DPP10: variants seen among roughly 807,000 people sequenced by gnomAD.
The protein encoded by DPP10 is inactive dipeptidyl peptidase 10.
In DPP10, 33 loss-of-function variants were observed where a neutral mutation model predicts 120.9. The observed-to-expected ratio is 0.27, with a 90% confidence interval of 0.21 to 0.37. DPP10 has a LOEUF of 0.37. DPP10 is among the 10% of genes least tolerant of loss of function. The pLI is 1.00. For missense variants in DPP10, 816 were observed against 942.8 expected, an observed-to-expected ratio of 0.87 and a Z score of 1.76; for synonymous variants, 337 against 326.1, an observed-to-expected ratio of 1.03 and a Z score of -0.36.
At chr2:115,138,628 T>C (rs891321646) in intron 1 of DPP10, among the ~76,000 whole-genome samples, 1 of 152,228 alleles carries the variant, frequency 6.6e-6, no homozygotes, top group Non-Finnish European at 1.5e-5. Context: ...ATGATTACTA[T>C]GTATTTCATT....
At chr2:115,112,607 C>T (rs1388626502) in intron 1 of DPP10, among the ~76,000 whole-genome samples, 1 of 152,052 alleles carries the variant, frequency 6.6e-6, no homozygotes, top group Non-Finnish European at 1.5e-5. Flanking sequence ...AAATATAATA[C>T]ATTGTTATTA....
intron 5 of DPP10, among the ~76,000 whole-genome samples, chr2:115,660,655 C>CTTTTTTTTTTTTTTTTTTTTTTTTTTTA: frequency 4.0e-5 from 1 of 25,312 alleles, no homozygotes; most frequent in African/African-American, 9.5e-5. Flanking sequence ...CTCTGTCTGG[C>CTTTTTTTTTTTTTTTTTTTTTTTTTTTA]TTTTTTTTTT....
chr2:115,282,117 T>C (rs1160424338), intron 1 of DPP10, among the ~76,000 whole-genome samples: 2 of 152,092 alleles, frequency 1.3e-5, no homozygotes, highest in Non-Finnish European at 2.9e-5. Flanking sequence ...AGCAATCAAC[T>C]GAATAACTTT....
chr2:115,459,866 G>C (rs1270221659), intron 3 of DPP10, among the ~76,000 whole-genome samples: 1 of 149,596 alleles, frequency 6.7e-6, no homozygotes, highest in Non-Finnish European at 1.5e-5. Flanking sequence ...GGACTACCAT[G>C]TTATTAGACC....
intron 5 of DPP10, among the ~76,000 whole-genome samples, chr2:115,554,448 A>T (rs1305944816): frequency 6.6e-6 from 1 of 152,040 alleles, no homozygotes; most frequent in East Asian, 1.9e-4. Context: ...CTTGGGCAAC[A>T]TCACTTTGAC....
intron 1 of DPP10, among the ~76,000 whole-genome samples, chr2:114,612,061 A>G (rs1036663852): frequency 2.0e-5 from 3 of 152,148 alleles, no homozygotes; most frequent in Admixed American, 6.6e-5. Flanking sequence ...TACTCACACA[A>G]TTCCTTTGTT....
At chr2:115,747,075 G>A (rs1402399566) in intron 10 of DPP10, among the ~76,000 whole-genome samples, 3 of 152,056 alleles carry the variant, frequency 2.0e-5, no homozygotes, top group African/African-American at 4.8e-5. Context: ...GAAATTTTAC[G>A]TACTTGAAAA....
intron 24 of DPP10, among the ~76,000 whole-genome samples, chr2:115,840,323 T>TTTG (rs1689988508): frequency 2.7e-5 from 3 of 112,918 alleles, no homozygotes; most frequent in Admixed American, 8.8e-5. Flanking sequence ...TTTTTGGTTT[T>TTTG]TTTTTTTTTT....
chr2:114,943,007 A>T (rs1697075202), intron 1 of DPP10, among the ~76,000 whole-genome samples: 1 of 152,038 alleles, frequency 6.6e-6, no homozygotes, highest in Admixed American at 6.6e-5. Flanking sequence ...CCATCAACCC[A>T]TCACCTACAT....
At chr2:115,200,297 A>G (rs941368026) in intron 1 of DPP10, among the ~76,000 whole-genome samples, 1 of 152,208 alleles carries the variant, frequency 6.6e-6, no homozygotes, top group Non-Finnish European at 1.5e-5. Context: ...AGAGTTTCAA[A>G]TAACCATTAC....
intron 7 of DPP10, among the ~76,000 whole-genome samples, chr2:115,715,339 CAAAAAAAAAAAAA>C (rs546857779): frequency 3.0e-5 from 2 of 67,664 alleles, no homozygotes; most frequent in African/African-American, 7.0e-5. Context: ...AACTCCGTCT[CAAAAAAAAAAAAA>C]AAAAAAAAAA....
At position 114,819,224 on chromosome 2, in the gene DPP10, C is replaced by A. The variant is rs1332774418; in HGVS notation, c.60+376386C>A. On this transcript the variant is annotated intron_variant, in intron 1 of 25. Transcript: ENST00000410059. ...AAGCTTTTTTTTTTTTTTAGATAGA[C>A]GTTTCAAGGAAAAAGGAAGTTTCAT... is the stretch of plus-strand genomic sequence containing the variant. Among the ~76,000 whole-genome samples the A allele has an allele frequency of 2.7e-5, 4 of 147,694 alleles. No individual in the cohort carries two copies. The South Asian group carries it at 8.5e-4, about 31-fold the overall frequency.
intron 11 of DPP10, among the ~76,000 whole-genome samples, chr2:115,757,809 T>C (rs1353707673): frequency 6.6e-6 from 1 of 152,082 alleles, no homozygotes; most frequent in Non-Finnish European, 1.5e-5. Flanking sequence ...AAGAATTAAA[T>C]ATCTTGGTAG....
rs538363061 is a variant in DPP10, at chr2:115,464,270, T to G, written c.272-35240T>G. 7.2e-5 allele frequency among the ~76,000 whole-genome samples: 11 copies of G among 152,302 alleles called. No homozygotes were observed. In the South Asian group the frequency reaches 2.3e-3, roughly 32 times the overall value. On this transcript the variant is annotated intron_variant, in intron 3 of 25. Coordinates refer to ENST00000410059, the MANE Select transcript of DPP10 (RefSeq NM_020868.6). ...TGGAGATTATTAGTTTTACATTAAA[T>G]ATTTAACTCATGAATCAATCTGACA...
At chr2:115,344,308 A>G (rs758630671) in intron 3 of DPP10, among the ~76,000 whole-genome samples, 7 of 152,150 alleles carry the variant, frequency 4.6e-5, no homozygotes, top group Non-Finnish European at 8.8e-5. Flanking sequence ...ACAGTTTTGT[A>G]TCTGCTGCTC....
At chr2:115,357,527 C>T (rs1290802623) in intron 3 of DPP10, among the ~76,000 whole-genome samples, 2 of 152,190 alleles carry the variant, frequency 1.3e-5, no homozygotes, top group African/African-American at 4.8e-5. Flanking sequence ...AACCTCCCTC[C>T]TGGATGCTTT....
chr2:115,447,546 C>T (rs374980032), intron 3 of DPP10, among the ~76,000 whole-genome samples: 1 of 152,108 alleles, frequency 6.6e-6, no homozygotes, highest in South Asian at 2.1e-4. Flanking sequence ...AAGGGAGGGA[C>T]CTGGTGGTAG....
chr2:115,468,868 C>A, intron 3 of DPP10: 1 of 414,834 alleles, frequency 2.4e-6, no homozygotes. Context: ...AAGACTGCCA[C>A]AGAAGACTGG....
intron 13 of DPP10, among the ~76,000 whole-genome samples, chr2:115,773,473 C>A (rs965859176): frequency 3.3e-5 from 5 of 152,028 alleles, no homozygotes; most frequent in African/African-American, 4.8e-5. Context: ...AATGAGCTCA[C>A]GACTTTTGTT....
Sources: allele counts gnomAD v4.1 joint callset (sites outside exome capture counted in the v4.1 genomes callset), GRCh38; gene constraint gnomAD v4.1.1; transcripts MANE v1.5; gene names NCBI Gene and HGNC (gene_info 2026-07-23, HGNC 2026-07-21).